Variants in TMPRSS7 observed in about 807,000 individuals in gnomAD.
TMPRSS7 encodes transmembrane protease serine 7.
Under a neutral mutation model 95.6 loss-of-function variants are expected in TMPRSS7, and 81 were observed. The ratio of observed to expected loss-of-function variants is 0.85; its 90% CI spans 0.71 to 1.02. The LOEUF (loss-of-function observed/expected upper bound fraction) is 1.02, where lower values mean the gene tolerates loss of function less well. Ranked by LOEUF, TMPRSS7 falls within the 50% of genes least tolerant of loss-of-function variation. TMPRSS7 has a pLI of 0.00. For synonymous variants in TMPRSS7, 364 were observed against 337.8 expected (o/e 1.08, Z -0.85); for missense variants, 945 against 955.2 (o/e 0.99, Z 0.14).
In TMPRSS7 at chr3:112,061,799, C is replaced by T. The variant is rs148656864; in HGVS notation, c.1323C>T (p.Ser441=). 6,211 of 1,608,552 alleles carry T rather than the reference C, an allele frequency of 3.9e-3. 129 individuals are homozygous for T. Among genetic ancestry groups the T allele is most frequent in the South Asian group, 0.038 (3,443 of 89,828 alleles). ...CTTGTCTCCCCAGGTACTGTGGCTCCTACATGGATCATCAGACAATTTTTC... is the reference window on the plus strand; with the variant it reads ...CTTGTCTCCCCAGGTACTGTGGCTCTTACATGGATCATCAGACAATTTTTC... The change falls in exon 11 of 18, where the codon TCC becomes TCT. Residue 441 remains serine, a synonymous_variant. Coordinates refer to ENST00000452346, the Ensembl canonical transcript of TMPRSS7.
At chr3:112,034,807 T>A (rs1225247273), upstream of TMPRSS7, 1 of 702,058 alleles carries the variant, frequency 1.4e-6, no homozygotes, top group African/African-American at 1.7e-5. Context: ...AAACTGGCTT[T>A]GAGACACCCC....
At chr3:112,036,720 G>C (rs2073152454) in intron 1 of TMPRSS7, among the ~76,000 whole-genome samples, 2 of 152,162 alleles carry the variant, frequency 1.3e-5, no homozygotes. Context: ...AACAGAGTTG[G>C]AGAGTTGAGG....
chr3:112,077,989 C>T (rs1035876567), intron 16 of TMPRSS7, among the ~76,000 whole-genome samples: 2 of 152,158 alleles, frequency 1.3e-5, no homozygotes, highest in African/African-American at 4.8e-5. Context: ...CTGAACCTTG[C>T]CCTGTAGCCT....
chr3:112,035,647 T>C (rs1029617447), intron 1 of TMPRSS7, among the ~76,000 whole-genome samples: 4 of 152,238 alleles, frequency 2.6e-5, no homozygotes, highest in African/African-American at 7.2e-5. Flanking sequence ...TTTAAAAGAA[T>C]GTGTGGTTAA....
intron 1 of TMPRSS7, among the ~76,000 whole-genome samples, chr3:112,037,256 A>T (rs2073156217): frequency 6.6e-6 from 1 of 152,218 alleles, no homozygotes; most frequent in Non-Finnish European, 1.5e-5. Context: ...AATATTAATA[A>T]TTAACAGCCC....
At chr3:112,057,128 A>G in exon 10 of TMPRSS7, 1 of 1,602,712 alleles carries the variant, frequency 6.2e-7, no homozygotes. Flanking sequence ...ATTAATGAGC[A>G]CATGTAAGTG....
At chr3:112,071,588 A>C (rs4544583) in intron 13 of TMPRSS7, among the ~76,000 whole-genome samples, 82,653 of 152,066 alleles carry the variant, frequency 0.54, 22,998 homozygotes, top group Admixed American at 0.62. Flanking sequence ...TACACCAATC[A>C]AATGTAGATT....
intron 13 of TMPRSS7, among the ~76,000 whole-genome samples, chr3:112,073,338 C>G (rs998387947): frequency 6.6e-6 from 1 of 152,098 alleles, no homozygotes; most frequent in Non-Finnish European, 1.5e-5. Context: ...AGGCAATCCA[C>G]CCGCCTCAGC....
exon 16 of TMPRSS7, chr3:112,077,141 G>T (rs2073721734): frequency 1.9e-6 from 3 of 1,613,680 alleles, no homozygotes; most frequent in Non-Finnish European, 2.5e-6. Context: ...AAGACACGAA[G>T]CAGGTGTGTG....
At chr3:112,044,196 A>T in intron 3 of TMPRSS7, 59 bp from the exon 4 acceptor site, 1 of 1,247,910 alleles carries the variant, frequency 8.0e-7, no homozygotes, top group Non-Finnish European at 1.1e-6. Flanking sequence ...AACATTTAAG[A>T]TACTGTAAAA....
chr3:112,063,846 G>C (rs1010122842), intron 12 of TMPRSS7, among the ~76,000 whole-genome samples: 1 of 152,156 alleles, frequency 6.6e-6, no homozygotes, highest in Admixed American at 6.5e-5. Flanking sequence ...GCTCATATGG[G>C]TGGCTCTGCT....
chr3:112,075,396 A>G, exon 15 of TMPRSS7: 4 of 1,538,846 alleles, frequency 2.6e-6, no homozygotes, highest in Admixed American at 3.9e-5. Context: ...TGGCCGTGGC[A>G]GGTCAGCCTC....
rs529405799 is a variant in TMPRSS7 at position 112,065,159 on chromosome 3, G to A, written c.1556-1233G>A. On this transcript the variant is annotated intron_variant, in intron 12 of 17. Coordinates refer to ENST00000452346, the Ensembl canonical transcript of TMPRSS7. ...GGGCTCAAGGGATCCTCCCTCCTCA[G>A]CCTCCTGAGTAGCTGGGAATACAGG... Among the ~76,000 whole-genome samples, 30 of 152,200 alleles carry A rather than the reference G, an allele frequency of 2.0e-4. No homozygotes were observed. In the South Asian group the frequency reaches 5.4e-3, roughly 27 times the overall value.
At chr3:112,040,063 A>G (rs1298820292) in intron 2 of TMPRSS7, among the ~76,000 whole-genome samples, 2 of 148,816 alleles carry the variant, frequency 1.3e-5, no homozygotes, top group African/African-American at 2.4e-5. Flanking sequence ...ACATTTGGTG[A>G]CAGAAGTGTT....
intron 7 of TMPRSS7, among the ~76,000 whole-genome samples, chr3:112,049,294 G>A (rs2073316434): frequency 6.6e-6 from 1 of 152,158 alleles, no homozygotes; most frequent in African/African-American, 2.4e-5. Context: ...CCCACCCTGT[G>A]GAGTGCTTTA....
Position 112,063,540 on chromosome 3 carries a change from C to T in TMPRSS7, c.1463C>T (p.Ser488Phe), listed in dbSNP as rs140725969. Residue 488 changes from serine to phenylalanine, a missense_variant, in exon 12 of 18, where the codon TCT becomes TTT. By Grantham distance (155) the Ser-to-Phe change is radical. Transcript: ENST00000452346. ...TTGCCCATAGCCTGCCCTGTTGGAT[C>T]TTTTAGATGCTCCTCCGGTTTATGT... 5.0e-5 allele frequency: 81 copies of T among 1,614,028 alleles called. 1 individual carries two copies. The East Asian group carries it at 1.8e-3, about 36-fold the overall frequency.
chr3:112,040,358 A>G (rs934245991), intron 2 of TMPRSS7, among the ~76,000 whole-genome samples: 39 of 152,284 alleles, frequency 2.6e-4, no homozygotes, highest in African/African-American at 9.1e-4. Flanking sequence ...TTAAGTGATT[A>G]TCTTGTGATG....
chr3:112,054,967 C>A (rs1288923732), intron 9 of TMPRSS7, among the ~76,000 whole-genome samples: 2 of 152,006 alleles, frequency 1.3e-5, no homozygotes, highest in Non-Finnish European at 2.9e-5. Context: ...TCTCGATCTC[C>A]TGACGTCGTG....
At chr3:112,075,341 G>C in exon 15 of TMPRSS7, 2 of 1,431,492 alleles carry the variant, frequency 1.4e-6, no homozygotes, top group Non-Finnish European at 1.8e-6. Flanking sequence ...GAGTTCCTCC[G>C]CCCTTCACCG....
Sources: allele counts gnomAD v4.1 joint callset (sites outside exome capture counted in the v4.1 genomes callset), GRCh38; gene constraint gnomAD v4.1.1; transcripts MANE v1.5; gene names NCBI Gene and HGNC (gene_info 2026-07-23, HGNC 2026-07-21).